The following ATP6V0A2 variants were observed in gnomAD, a reference collection of about 807,000 sequenced individuals.
ATP6V0A2 encodes V-type proton ATPase 116 kDa subunit a 2.
Under a neutral mutation model 104.4 loss-of-function variants are expected in ATP6V0A2, and 58 were observed. The ratio of observed to expected loss-of-function variants is 0.56; its 90% CI spans 0.45 to 0.69. The LOEUF (loss-of-function observed/expected upper bound fraction) is 0.69. Among genes scored for constraint, ATP6V0A2 ranks in the 30% least tolerant of loss-of-function variants. ATP6V0A2 has a pLI of 0.00. For synonymous variants in ATP6V0A2, 376 were observed against 397.9 expected (o/e 0.95, Z 0.65); for missense variants, 938 against 1,062.9 (o/e 0.88, Z 1.63).
chr12:123,740,327 C>T (rs557718141), intron 9 of ATP6V0A2, among the ~76,000 whole-genome samples: 40 of 152,034 alleles, frequency 2.6e-4, no homozygotes, highest in Non-Finnish European at 4.7e-4. Flanking sequence ...GCCTCAGCCT[C>T]CCAAGTAGCT....
chr12:123,741,278 A>G (rs748684806), intron 9 of ATP6V0A2, among the ~76,000 whole-genome samples: 5 of 152,176 alleles, frequency 3.3e-5, no homozygotes, highest in Non-Finnish European at 5.9e-5. Context: ...TAAAAAATAC[A>G]AAAAATACAC....
At chr12:123,722,575 G>T (rs1956410578) in intron 3 of ATP6V0A2, 127 bp downstream of exon 3, 5 of 700,334 alleles carry the variant, frequency 7.1e-6, no homozygotes, top group African/African-American at 5.3e-5. Flanking sequence ...ATCTCTCTAG[G>T]CAGAGAGATT....
At chr12:123,746,948 T>G (rs939777653) in intron 13 of ATP6V0A2, among the ~76,000 whole-genome samples, 3 of 152,010 alleles carry the variant, frequency 2.0e-5, no homozygotes, top group Admixed American at 2.0e-4. Flanking sequence ...AAAAATTATC[T>G]TAATAGACCC....
chr12:123,712,476 G>C lies in ATP6V0A2; in HGVS notation c.-90G>C, dbSNP rs1444464255. The C allele has an allele frequency of 1.2e-6, 1 of 800,706 alleles. No individual in the cohort carries two copies. Among genetic ancestry groups the C allele is most frequent in the Admixed American group, 4.0e-5 (1 of 25,086 alleles). The allele number at this position is 800,706 out of a possible 1,614,324, so 49.6% of individuals were successfully genotyped here. A position where few individuals can be genotyped will look rare whatever the true frequency, so the allele number is the denominator to read the frequency against. ...CGGCCAGGCCACAGGAAGAGCTCGA[G>C]GCCCGGGCCGCACCGGCTGAGTGTG... On this transcript the variant is annotated 5_prime_UTR_variant, in exon 1 of 20. Coordinates refer to ENST00000330342, the MANE Select transcript of ATP6V0A2 (RefSeq NM_012463.4).
chr12:123,755,962 T>C (rs866639492), intron 18 of ATP6V0A2, among the ~76,000 whole-genome samples: 3 of 150,984 alleles, frequency 2.0e-5, no homozygotes, highest in African/African-American at 7.3e-5. Context: ...GCGCCTGTAG[T>C]CCCAGCTACT....
At chr12:123,751,603 G>A (rs1956714899) in intron 16 of ATP6V0A2, among the ~76,000 whole-genome samples, 1 of 151,976 alleles carries the variant, frequency 6.6e-6, no homozygotes, top group Non-Finnish European at 1.5e-5. Context: ...GCAGTGAGTT[G>A]TGATCACGCC....
intron 5 of ATP6V0A2, 118 bp from the exon 6 acceptor site, chr12:123,727,665 G>T: frequency 8.1e-7 from 1 of 1,227,062 alleles, no homozygotes; most frequent in Non-Finnish European, 1.2e-6. Context: ...TTTTGCAGTT[G>T]GAGGGCTCTC....
At position 123,725,012 on chromosome 12, in the gene ATP6V0A2, T is replaced by C. The variant is rs539501923; in HGVS notation, c.432+221T>C. On this transcript the variant is annotated intron_variant, in intron 4 of 19. Transcript: ENST00000330342. ...GTGCAGTGGCACAATCTCGGCTCAC[T>C]GCACCCTCCGCCTTCCGGGTTCAAG... 1.3e-5 allele frequency among the ~76,000 whole-genome samples: 2 copies of C among 152,306 alleles called. 1 individual carries two copies. The highest frequency in any genetic ancestry group is 3.9e-4 in the East Asian group (2 of 5,184).
chr12:123,726,860 C>A (rs567815681), intron 5 of ATP6V0A2, among the ~76,000 whole-genome samples: 379 of 152,270 alleles, frequency 2.5e-3, no homozygotes, highest in Middle Eastern at 6.8e-3. Flanking sequence ...CTCTGTCAAC[C>A]TGGAATCATT....
At chr12:123,726,429 A>G (rs1956449828) in intron 5 of ATP6V0A2, 144 bp downstream of exon 5, 1 of 672,894 alleles carries the variant, frequency 1.5e-6, no homozygotes, top group Non-Finnish European at 2.7e-6. Context: ...GAAACACTGT[A>G]TTCCTGTACT....
chr12:123,746,665 G>T (rs959976098), intron 13 of ATP6V0A2, among the ~76,000 whole-genome samples: 1 of 138,848 alleles, frequency 7.2e-6, no homozygotes, highest in Non-Finnish European at 1.5e-5. Flanking sequence ...AAAAAAAAAA[G>T]GTTGGGCGCG....
In ATP6V0A2 at chr12:123,744,386, C is replaced by G; in HGVS notation, c.1326+49C>G. 1 of 1,612,202 alleles carries G rather than the reference C, an allele frequency of 6.2e-7. No homozygotes were observed. The highest frequency in any genetic ancestry group is 8.5e-7 in the Non-Finnish European group (1 of 1,178,412). On this transcript the variant is annotated intron_variant, in intron 11 of 19. Transcript: ENST00000330342. This position sits in a 1 kb window ranked among gnomAD's most constrained non-coding sequence, Gnocchi z 5.4. ...CATATATCTGGTTAGGTGGCATTAG[C>G]AGTGACCGAAAGAGAGACACCTCTT...
At chr12:123,715,134 C>T (rs1348265454) in intron 1 of ATP6V0A2, among the ~76,000 whole-genome samples, 2 of 152,084 alleles carry the variant, frequency 1.3e-5, no homozygotes, top group African/African-American at 4.8e-5. Context: ...ATGTGAAATC[C>T]ATGTTTGTAT....
chr12:123,756,566 G>A (rs1956766396), intron 18 of ATP6V0A2: 1 of 524,004 alleles, frequency 1.9e-6, no homozygotes, highest in East Asian at 3.2e-5. Context: ...ACCTAGTCTG[G>A]GGCAAGACCT....
Position 123,737,184 on chromosome 12 carries a change from T to G in ATP6V0A2, c.951T>G (p.Phe317Leu). 6.2e-7 allele frequency: 1 copy of G among 1,614,166 alleles called. No homozygotes were observed. Among genetic ancestry groups the G allele is most frequent in the Non-Finnish European group, 8.5e-7 (1 of 1,180,028 alleles). Residue 317 changes from phenylalanine (F) to leucine (L), a missense_variant, in exon 9 of 20, where the codon TTT becomes TTG. Transcript: ENST00000330342. ...ATCACATGCTGAACATGTGCAGCTT[T>G]GACGTGACCAACAAGTGCCTCATTG... is the stretch of plus-strand genomic sequence containing the variant. ...AIYHMLNMCS[F>L]DVTNKCLIAE...
Position 123,718,721 on chromosome 12 carries a change from T to C in ATP6V0A2, c.196+20T>C. On this transcript the variant is annotated intron_variant, in intron 2 of 19. Transcript: ENST00000330342. The stretch of plus-strand genomic sequence containing the variant: ...TATTGGGTAAGTTTATTTTCTGATT[T>C]AACAACTTAAATAATTACCTTTATA... The C allele has an allele frequency of 1.3e-6, 2 of 1,562,580 alleles. No homozygotes were observed. Among genetic ancestry groups the C allele is most frequent in the South Asian group, 2.3e-5 (2 of 88,820 alleles).
In ATP6V0A2 at chr12:123,761,565, A is replaced by C. The variant is rs1956825626; in HGVS notation, c.*3533A>C. The C allele has an allele frequency of 6.6e-6, 1 of 152,188 alleles. No homozygotes were observed. Among genetic ancestry groups the C allele is most frequent in the Admixed American group, 6.5e-5 (1 of 15,278 alleles). The allele number at this position is 152,188 out of a possible 1,614,324, so 9.4% of individuals were successfully genotyped here. A position where few individuals can be genotyped will look rare whatever the true frequency, so the allele number is the denominator to read the frequency against. The stretch of plus-strand genomic sequence containing the variant: ...ACACTCCACCTGTTCTTTGATGGGA[A>C]TATCTAAGAAGGCTAGGTAGGTTCT... On this transcript the variant is annotated 3_prime_UTR_variant, in exon 20 of 20. Coordinates refer to ENST00000330342, the MANE Select transcript of ATP6V0A2 (RefSeq NM_012463.4).
chr12:123,750,652 T>A (rs1956705785), intron 15 of ATP6V0A2: 1 of 208,774 alleles, frequency 4.8e-6, no homozygotes, highest in Admixed American at 5.3e-5. Context: ...TTTGGTTTTG[T>A]TCTGAATTCT....
chr12:123,718,582 A>G, intron 1 of ATP6V0A2, 41 bp from the exon 2 acceptor site: 1 of 1,455,632 alleles, frequency 6.9e-7, no homozygotes, highest in Non-Finnish European at 9.6e-7. Context: ...AGTATTTTTA[A>G]ATTTTAGAAA....
Sources: allele counts gnomAD v4.1 joint callset (sites outside exome capture counted in the v4.1 genomes callset), GRCh38; gene constraint gnomAD v4.1.1; non-coding constraint Gnocchi (gnomAD v3.1); transcripts MANE v1.5; gene names NCBI Gene and HGNC (gene_info 2026-07-23, HGNC 2026-07-21).